CDON: variants seen among roughly 807,000 people sequenced by gnomAD.
CDON encodes the protein cell adhesion associated, oncogene regulated.
Under a neutral mutation model 120.9 loss-of-function variants are expected in CDON, and 73 were observed. That is an observed-to-expected ratio of 0.60 (90% CI 0.50 to 0.73). CDON has a LOEUF of 0.73. Ranked by LOEUF, CDON falls within the 30% of genes least tolerant of loss-of-function variation. CDON has a pLI of 0.00. For missense variants in CDON, 1,470 were observed against 1,587.3 expected (o/e 0.93, Z 1.26); for synonymous variants, 566 against 573.5 (o/e 0.99, Z 0.19).
Position 126,001,762 on chromosome 11 carries a change from G to C in CDON, c.2115C>G (p.Asn705Lys). 4 of 1,613,604 alleles carry C rather than the reference G, an allele frequency of 2.5e-6. No individual in the cohort carries two copies. The highest frequency in any genetic ancestry group is 3.4e-6 in the Non-Finnish European group (4 of 1,179,574). ...KYPVVSEAAN[N>K]NFGVVLTDSS... ...AATCTGTAAGTACCACTCCAAAATT[G>C]TTGTTTGCAGCCTCTGAAACAACGG... The change falls in exon 11 of 20, where the codon AAC becomes AAG. Residue 705 changes from asparagine to lysine, a missense_variant. Coordinates refer to ENST00000531738, the MANE Select transcript of CDON (RefSeq NM_001378964.1).
At chr11:126,055,500 C>T (rs1409000457) in intron 1 of CDON, among the ~76,000 whole-genome samples, 1 of 152,124 alleles carries the variant, frequency 6.6e-6, no homozygotes, top group East Asian at 1.9e-4. Context: ...TTTACAGATA[C>T]AAGATGTGTA....
At chr11:126,017,419 T>C (rs1947503406) in intron 5 of CDON, 44 bp from the exon 6 acceptor site, 1 of 1,579,226 alleles carries the variant, frequency 6.3e-7, no homozygotes, top group East Asian at 2.2e-5. Flanking sequence ...AAGTCTTCGA[T>C]TCTAATCTCT....
Position 125,959,352 on chromosome 11 carries a change from CCCCAAAGGGATGCA to C in CDON, c.*1576_*1589del, listed in dbSNP as rs2134325860. The C allele has an allele frequency of 6.6e-6, 1 of 152,286 alleles. No individual in the cohort carries two copies. The highest frequency in any genetic ancestry group is 1.9e-4 in the East Asian group (1 of 5,188). The allele number at this position is 152,286 out of a possible 1,614,324, so 9.4% of individuals were successfully genotyped here. The stretch of plus-strand genomic sequence containing the variant: ...AAAGAGAATAATTTTCTGTTTCTTT[CCCCAAAGGGATGCA>C]CAATGCACAAAGGAGCAGTGATCCT... On this transcript the variant is annotated 3_prime_UTR_variant, in exon 20 of 20. Transcript: ENST00000531738.
At chr11:126,057,112 G>A (rs534348503) in intron 1 of CDON, among the ~76,000 whole-genome samples, 3 of 152,162 alleles carry the variant, frequency 2.0e-5, no homozygotes, top group Non-Finnish European at 2.9e-5. Flanking sequence ...AATTGTAACT[G>A]AAGGTAATTA....
In CDON at chr11:126,015,225, C is replaced by A; in HGVS notation, c.1198+16G>T. The A allele has an allele frequency of 6.2e-7, 1 of 1,612,826 alleles. No homozygotes were observed. The highest frequency in any genetic ancestry group is 1.3e-5 in the African/African-American group (1 of 74,978). On this transcript the variant is annotated intron_variant, in intron 7 of 19. Coordinates refer to ENST00000531738, the MANE Select transcript of CDON (RefSeq NM_001378964.1). ...AAAATAAAAGTTCTTATGACTGGCACGACCTAAAAGCCTACCATTTTCAAT... is the reference window on the plus strand; with the variant it reads ...AAAATAAAAGTTCTTATGACTGGCAAGACCTAAAAGCCTACCATTTTCAAT...
chr11:126,048,076 A>C (rs1335017017), intron 1 of CDON, among the ~76,000 whole-genome samples: 1 of 152,080 alleles, frequency 6.6e-6, no homozygotes, highest in Non-Finnish European at 1.5e-5. Context: ...CGGAAGTTCA[A>C]GACCAGCCTG....
chr11:125,971,414 T>A lies in CDON; in HGVS notation c.3356+6890A>T, dbSNP rs4937079. ...AATAAATAAATAAATAAATAAATAA[T>A]AATAATTAATGTTCTCATATTCATC... On this transcript the variant is annotated intron_variant, in intron 18 of 19. Transcript: ENST00000531738. 6.3e-3 allele frequency among the ~76,000 whole-genome samples: 783 copies of A among 123,732 alleles called. 8 individuals are homozygous for A. The highest frequency in any genetic ancestry group is 0.016 in the Middle Eastern group (4 of 244). 81.2% of individuals were successfully genotyped at this position (123,732 alleles called of 152,430 possible).
At chr11:125,972,196 C>T (rs561774455) in intron 18 of CDON, among the ~76,000 whole-genome samples, 89 of 152,228 alleles carry the variant, frequency 5.8e-4, no homozygotes, top group African/African-American at 2.1e-3. Context: ...GAGGCCGAGG[C>T]GGGCAGATCA....
At chr11:126,031,424 T>C (rs547845880) in intron 1 of CDON, among the ~76,000 whole-genome samples, 1 of 152,354 alleles carries the variant, frequency 6.6e-6, no homozygotes, top group East Asian at 1.9e-4. Flanking sequence ...GAAAACACTC[T>C]AAAAAGTGAT....
At chr11:125,991,076 T>C (rs144197386) in intron 14 of CDON, among the ~76,000 whole-genome samples, 142 of 152,318 alleles carry the variant, frequency 9.3e-4, no homozygotes, top group African/African-American at 2.7e-3. Flanking sequence ...CTTGAATAAT[T>C]ACTACACTAG....
intron 18 of CDON, among the ~76,000 whole-genome samples, chr11:125,976,477 C>A (rs940646494): frequency 2.6e-5 from 4 of 152,090 alleles, no homozygotes; most frequent in Admixed American, 6.5e-5. Flanking sequence ...GTAAAACCCA[C>A]ACACATGAAA....
Position 126,019,671 on chromosome 11 carries a change from G to A in CDON, c.444C>T (p.Pro148=), listed in dbSNP as rs762068519. ...FIGCRVPESN[P]KAEVRYKIRG... is the part of the protein sequence containing the mutation. ...GGATTTTATAGCGCACCTCAGCTTT[G>A]GGGTTACTCTCCGGTACCCTGCAGC... is the stretch of plus-strand genomic sequence containing the variant. The change falls in exon 4 of 20, where the codon CCC becomes CCT. Residue 148 remains proline, a synonymous_variant. Coordinates refer to ENST00000531738, the MANE Select transcript of CDON (RefSeq NM_001378964.1). 7 of 1,614,026 alleles carry A rather than the reference G, an allele frequency of 4.3e-6. No individual in the cohort carries two copies. The highest frequency in any genetic ancestry group is 5.9e-6 in the Non-Finnish European group (7 of 1,179,980).
At chr11:125,987,040 G>A (rs191461764) in intron 15 of CDON, among the ~76,000 whole-genome samples, 1 of 152,274 alleles carries the variant, frequency 6.6e-6, no homozygotes, top group Admixed American at 6.5e-5. Flanking sequence ...GAGGCACAAT[G>A]GATATTCCGT....
intron 18 of CDON, among the ~76,000 whole-genome samples, chr11:125,971,667 A>C (rs1294380219): frequency 6.6e-6 from 1 of 151,914 alleles, no homozygotes; most frequent in Non-Finnish European, 1.5e-5. Flanking sequence ...GAATTATATA[A>C]TTTTTCCAAG....
At chr11:125,981,965 A>ATTTTTTTTT (rs1591562448) in intron 16 of CDON, among the ~76,000 whole-genome samples, 3 of 34,414 alleles carry the variant, frequency 8.7e-5, no homozygotes, top group African/African-American at 1.6e-4. Flanking sequence ...AAGTGATTCT[A>ATTTTTTTTT]TTTTCTTTTT....
chr11:125,960,606 C>T lies in CDON; in HGVS notation c.*336G>A, dbSNP rs1177049016. 9 of 307,376 alleles carry T rather than the reference C, an allele frequency of 2.9e-5. No homozygotes were observed. Among genetic ancestry groups the T allele is most frequent in the Admixed American group, 4.8e-5 (1 of 20,956 alleles). The allele number at this position is 307,376 out of a possible 1,614,324, so 19.0% of individuals were successfully genotyped here. A position where few individuals can be genotyped will look rare whatever the true frequency, so the allele number is the denominator to read the frequency against. ...TGCATTCCCTCCTAGCCGAAGCAGC[C>T]AAGAGATGGGATCCTTTGCATGAGG... On this transcript the variant is annotated 3_prime_UTR_variant, in exon 20 of 20. Coordinates refer to ENST00000531738, the MANE Select transcript of CDON (RefSeq NM_001378964.1).
intron 1 of CDON, among the ~76,000 whole-genome samples, chr11:126,062,258 G>A (rs563637037): frequency 1.8e-4 from 27 of 152,108 alleles, no homozygotes; most frequent in Non-Finnish European, 3.5e-4. Context: ...ACGCGCGGGC[G>A]CCCTAGCTCC....
At chr11:126,001,649 C>A (rs897571611) in intron 11 of CDON, 70 bp downstream of exon 11, 3 of 1,396,078 alleles carry the variant, frequency 2.1e-6, no homozygotes, top group Non-Finnish European at 3.0e-6. Context: ...CCCTATTCCA[C>A]CCCACCTCCC....
intron 19 of CDON, 36 bp downstream of exon 19, chr11:125,961,688 G>A (rs1288126368): frequency 1.2e-6 from 2 of 1,613,832 alleles, no homozygotes; most frequent in African/African-American, 1.3e-5. Flanking sequence ...AACTGAAGAT[G>A]ATCTGGAATC....
Sources: allele counts gnomAD v4.1 joint callset (sites outside exome capture counted in the v4.1 genomes callset), GRCh38; gene constraint gnomAD v4.1.1; transcripts MANE v1.5; gene names NCBI Gene and HGNC (gene_info 2026-07-23, HGNC 2026-07-21).